P2RX5: variants seen among roughly 807,000 people sequenced by gnomAD.
The protein encoded by P2RX5 is P2X purinoceptor 5.
P2RX5 carries 46 observed loss-of-function variants against 54.1 expected under a neutral mutation model. That is an observed-to-expected ratio of 0.85 (90% CI 0.67 to 1.09). P2RX5 has a LOEUF of 1.09. Ranked by LOEUF, P2RX5 falls within the 50% of genes least tolerant of loss-of-function variation. The probability of loss-of-function intolerance (pLI) is 0.00; values close to 1 mark genes in which losing one functional copy is unlikely to be tolerated. For missense variants in P2RX5, 566 were observed against 549.8 expected, an observed-to-expected ratio of 1.03 and a Z score of -0.29; for synonymous variants, 226 against 226.4, an observed-to-expected ratio of 1.00 and a Z score of 0.02.
At chr17:3,716,843 C>T in the P2RX5 span, 50 of 1,159,250 alleles carry the variant, frequency 4.3e-5, no homozygotes, top group East Asian at 4.5e-4. Context: ...GTGAAGCAAA[C>T]AAGGAAAAAA....
the P2RX5 span, among the ~76,000 whole-genome samples, chr17:3,712,026 G>A: frequency 6.6e-6 from 1 of 152,260 alleles, no homozygotes; most frequent in East Asian, 1.9e-4. Flanking sequence ...GCTTCCCAGT[G>A]ACGATGGAAG....
intron 1 of P2RX5, among the ~76,000 whole-genome samples, chr17:3,694,275 G>A (rs1030760867): frequency 2.9e-5 from 4 of 136,592 alleles, no homozygotes; most frequent in South Asian, 2.3e-4. Context: ...TCATTTATAC[G>A]AAATACCCAG....
chr17:3,711,349 G>C, the P2RX5 span, among the ~76,000 whole-genome samples: 4 of 147,786 alleles, frequency 2.7e-5, no homozygotes, highest in Non-Finnish European at 5.9e-5. Context: ...TTACTCCACA[G>C]GGCTGAGCCC....
Position 3,689,491 on chromosome 17 carries a change from C to G in P2RX5, c.753+1G>C. 1 of 1,614,062 alleles carries G rather than the reference C, an allele frequency of 6.2e-7. No individual in the cohort carries two copies. The highest frequency in any genetic ancestry group is 8.5e-7 in the Non-Finnish European group (1 of 1,179,992). ...GGGCTCCCTGCGTGCACCCCACCCA[C>G]CTCCAGGGCTATATCCTGGAAGTCG... On this transcript the variant is annotated splice_donor_variant, in intron 7 of 11. Coordinates refer to ENST00000225328, the MANE Select transcript of P2RX5 (RefSeq NM_002561.4). LOFTEE classifies it high-confidence loss of function.
chr17:3,688,094 T>C lies in P2RX5; in HGVS notation c.899A>G (p.Tyr300Cys), dbSNP rs1247951335. Reference protein sequence around the residue: ...SSGYNFRFARYYRDAAGVEFR... With the variant: ...SSGYNFRFARCYRDAAGVEFR... ...CTCCACCCCGGCTGCGTCTCGGTAA[T>C]ATCTGGCAAATCTGAGGGAGACAGG... The change falls in exon 9 of 12, where the codon TAT (tyrosine) becomes TGT (cysteine). Residue 300 changes from tyrosine (Y) to cysteine (C), a missense_variant. Coordinates refer to ENST00000225328, the MANE Select transcript of P2RX5 (RefSeq NM_002561.4). 3 of 1,591,186 alleles carry C rather than the reference T, an allele frequency of 1.9e-6. No individual in the cohort carries two copies. The highest frequency in any genetic ancestry group is 2.6e-6 in the Non-Finnish European group (3 of 1,165,322).
At chr17:3,685,682 ACAGCGGGGCCCCCAGGGACC>A (rs2050436251) in intron 9 of P2RX5, 1 of 14,594 alleles carries the variant, frequency 6.9e-5, no homozygotes, top group Admixed American at 2.4e-3. Context: ...AGGAGAACGC[ACAGCGGGGCCCCCAGGGACC>A]CTCCCAACGT....
At chr17:3,719,129 G>A in the P2RX5 span, among the ~76,000 whole-genome samples, 4 of 151,260 alleles carry the variant, frequency 2.6e-5, no homozygotes, top group Admixed American at 2.0e-4. Context: ...CCAGCTACTC[G>A]GGAGGCTGAG....
At chr17:3,723,301 T>A in the P2RX5 span, 1 of 1,611,126 alleles carries the variant, frequency 6.2e-7, no homozygotes. Flanking sequence ...CTCAGAGTGA[T>A]CCCAGGAGAT....
chr17:3,723,218 T>C, the P2RX5 span: 1 of 1,039,566 alleles, frequency 9.6e-7, no homozygotes, highest in Admixed American at 1.7e-5. Context: ...AAAGATGCTA[T>C]TATCTCTTCT....
At chr17:3,688,568 G>A in intron 8 of P2RX5, 58 bp downstream of exon 8, 2 of 1,586,670 alleles carry the variant, frequency 1.3e-6, no homozygotes, top group African/African-American at 1.3e-5. Flanking sequence ...CTGGCACCCA[G>A]ATGAGTGAGT....
At chr17:3,696,964 AAG>A (rs373310363), upstream of P2RX5, among the ~76,000 whole-genome samples, 73 of 152,260 alleles carry the variant, frequency 4.8e-4, 1 homozygote, top group South Asian at 0.01. Flanking sequence ...CACAGGCTGG[AAG>A]AGACAAGACT....
At chr17:3,691,063 T>G (rs760131883) in intron 2 of P2RX5, 36 bp from the exon 3 acceptor site, 1 of 1,501,234 alleles carries the variant, frequency 6.7e-7, no homozygotes, top group Admixed American at 1.7e-5. Context: ...AACCTCCTCC[T>G]GCCCCTTAGG....
At chr17:3,695,181 C>T (rs1363381114) in intron 1 of P2RX5, among the ~76,000 whole-genome samples, 4 of 152,212 alleles carry the variant, frequency 2.6e-5, no homozygotes, top group South Asian at 4.1e-4. Flanking sequence ...CGACCCACCC[C>T]GGGGTCAGGG....
At chr17:3,701,755 T>TTG in the P2RX5 span, among the ~76,000 whole-genome samples, 3 of 119,836 alleles carry the variant, frequency 2.5e-5, no homozygotes, top group Non-Finnish European at 6.1e-5. Flanking sequence ...TGTTTTTTTT[T>TTG]TTTTTGTTTT....
At chr17:3,701,303 T>C in the P2RX5 span, among the ~76,000 whole-genome samples, 4 of 152,214 alleles carry the variant, frequency 2.6e-5, no homozygotes, top group African/African-American at 9.6e-5. Context: ...AAGACAATTC[T>C]TTTTCCAATG....
At chr17:3,675,998 C>T in intron 11 of P2RX5, 1 of 985,380 alleles carries the variant, frequency 1.0e-6, no homozygotes, top group Non-Finnish European at 1.2e-6. Flanking sequence ...TCTCCAAAGC[C>T]TCAGTGGAGG....
chr17:3,709,919 CAAAG>C, the P2RX5 span, among the ~76,000 whole-genome samples: 3 of 151,068 alleles, frequency 2.0e-5, no homozygotes, highest in Admixed American at 2.0e-4. Context: ...AAAAAACAAA[CAAAG>C]AAAAACAAAA....
At chr17:3,715,644 G>A in the P2RX5 span, among the ~76,000 whole-genome samples, 15 of 152,208 alleles carry the variant, frequency 9.9e-5, no homozygotes, top group South Asian at 2.9e-3. Context: ...CTCGAGCCCC[G>A]GAGTTTGAGA....
chr17:3,723,797 T>TCCGTC, the P2RX5 span: 488 of 1,593,786 alleles, frequency 3.1e-4, 2 homozygotes, highest in African/African-American at 5.8e-3. Flanking sequence ...CCGCCAGTTT[T>TCCGTC]CCGTCCCGTC....
Sources: gnomAD v4.1 joint callset for allele counts (sites outside exome capture counted in the v4.1 genomes callset) on GRCh38, gnomAD v4.1.1 for gene constraint, MANE v1.5 for transcripts, NCBI Gene and HGNC (gene_info 2026-07-23, HGNC 2026-07-21) for gene names.